The following CTNNBIP1 variants were observed in gnomAD, a reference collection of about 807,000 sequenced individuals.
CTNNBIP1 encodes the protein catenin beta interacting protein 1.
A neutral mutation model predicts 11.8 loss-of-function variants in CTNNBIP1; 7 were observed. The observed-to-expected ratio is 0.60, with a 90% CI of 0.34 to 1.12. CTNNBIP1 has a LOEUF of 1.12. CTNNBIP1 is among the 50% of genes most tolerant of loss of function. The pLI, the probability that CTNNBIP1 is intolerant of heterozygous loss-of-function variation, is 0.03. For missense variants in CTNNBIP1, 101 were observed against 113.4 expected, an observed-to-expected ratio of 0.89 and a Z score of 0.50; for synonymous variants, 58 against 43.9, an observed-to-expected ratio of 1.32 and a Z score of -1.26.
intron 1 of CTNNBIP1, among the ~76,000 whole-genome samples, chr1:9,886,202 G>T (rs1639185288): frequency 6.6e-6 from 1 of 152,156 alleles, no homozygotes; most frequent in South Asian, 2.1e-4. Flanking sequence ...AGAGGCGGGA[G>T]GGGACCTTGC....
intron 5 of CTNNBIP1, among the ~76,000 whole-genome samples, chr1:9,856,353 G>GA (rs554465404): frequency 1.8e-4 from 27 of 151,238 alleles, no homozygotes; most frequent in Non-Finnish European, 2.8e-4. Context: ...ACAAGCAACA[G>GA]AAAAAAATAA....
At chr1:9,885,138 A>G (rs1189102051) in intron 1 of CTNNBIP1, among the ~76,000 whole-genome samples, 2 of 152,126 alleles carry the variant, frequency 1.3e-5, no homozygotes, top group Non-Finnish European at 2.9e-5. Flanking sequence ...GCAGAGGGTG[A>G]GGGTTCAAGG....
At chr1:9,852,327 C>T (rs1028632146) in intron 5 of CTNNBIP1, among the ~76,000 whole-genome samples, 1 of 152,192 alleles carries the variant, frequency 6.6e-6, no homozygotes, top group Non-Finnish European at 1.5e-5. Context: ...CACTAGAGAA[C>T]CAAGGTGCTG....
intron 5 of CTNNBIP1, among the ~76,000 whole-genome samples, chr1:9,861,352 A>G (rs571678142): frequency 1.9e-4 from 29 of 152,308 alleles, no homozygotes; most frequent in African/African-American, 6.7e-4. Flanking sequence ...CTCCTCCCAC[A>G]CAAACCAAGA....
chr1:9,876,841 TACATACAC>T (rs1314554239), intron 3 of CTNNBIP1, among the ~76,000 whole-genome samples: 3 of 97,312 alleles, frequency 3.1e-5, no homozygotes, highest in Non-Finnish European at 5.8e-5. Context: ...ACTCCTGCTA[TACATACAC>T]ACACACACAC....
At chr1:9,862,779 G>A (rs1570564985) in intron 5 of CTNNBIP1, among the ~76,000 whole-genome samples, 1 of 152,154 alleles carries the variant, frequency 6.6e-6, no homozygotes, top group Admixed American at 6.5e-5. Context: ...AGCTCTTTAC[G>A]CATTAGTTCA....
intron 1 of CTNNBIP1, among the ~76,000 whole-genome samples, chr1:9,888,562 A>G (rs941398358): frequency 2.6e-5 from 4 of 152,094 alleles, no homozygotes; most frequent in African/African-American, 9.7e-5. Flanking sequence ...AAAAAAAAAA[A>G]ATTAAGAAAT....
chr1:9,869,939 G>A (rs752692647), intron 5 of CTNNBIP1, among the ~76,000 whole-genome samples: 8 of 152,228 alleles, frequency 5.3e-5, no homozygotes, highest in East Asian at 3.9e-4. Context: ...ACAGGCTGCC[G>A]CATGATCCAG....
intron 1 of CTNNBIP1, among the ~76,000 whole-genome samples, chr1:9,907,125 T>G (rs949733957): frequency 6.6e-6 from 1 of 152,140 alleles, no homozygotes; most frequent in Admixed American, 6.6e-5. Flanking sequence ...ACAGCACAGA[T>G]TTGGAGCAGC....
At chr1:9,887,313 T>C (rs1385839822) in intron 1 of CTNNBIP1, among the ~76,000 whole-genome samples, 1 of 152,206 alleles carries the variant, frequency 6.6e-6, no homozygotes, top group Non-Finnish European at 1.5e-5. Flanking sequence ...CCTGAGGCCA[T>C]GGAGTAATAA....
intron 3 of CTNNBIP1, among the ~76,000 whole-genome samples, chr1:9,874,192 G>A (rs2101486781): frequency 6.6e-6 from 1 of 152,276 alleles, no homozygotes; most frequent in Admixed American, 6.5e-5. Context: ...CCCTCTGGCA[G>A]CCTTTGTACT....
Position 9,849,506 on chromosome 1 carries a change from G to C in CTNNBIP1, c.*1212C>G, listed in dbSNP as rs1029933958. On this transcript the variant is annotated 3_prime_UTR_variant, in exon 6 of 6. Coordinates refer to ENST00000377263, the MANE Select transcript of CTNNBIP1 (RefSeq NM_020248.3). The stretch of plus-strand genomic sequence containing the variant: ...GCCTGGCTGGGGTAGGTCAGGGGTT[G>C]GTGTTTAGCTGGAGGTCTCCTGGGC... 2 of 152,262 alleles carry C rather than the reference G, an allele frequency of 1.3e-5. No homozygotes were observed. Among genetic ancestry groups the C allele is most frequent in the Non-Finnish European group, 2.9e-5 (2 of 68,094 alleles). 9.4% of individuals were successfully genotyped at this position (152,262 alleles called of 1,614,324 possible).
intron 5 of CTNNBIP1, among the ~76,000 whole-genome samples, chr1:9,856,327 T>C (rs542310485): frequency 2.0e-5 from 3 of 152,058 alleles, no homozygotes; most frequent in African/African-American, 4.8e-5. Flanking sequence ...GGTTTCTTAG[T>C]TATGATATCT....
intron 1 of CTNNBIP1, among the ~76,000 whole-genome samples, chr1:9,900,055 C>T (rs1255636517): frequency 4.1e-5 from 6 of 145,108 alleles, no homozygotes; most frequent in Non-Finnish European, 9.0e-5. Flanking sequence ...GCCTGGACGA[C>T]AAGACTCCGT....
rs903224897 is a variant in CTNNBIP1, at chr1:9,871,840, C to T, written c.96+129G>A. On this transcript the variant is annotated intron_variant, in intron 4 of 5. Coordinates refer to ENST00000377263, the MANE Select transcript of CTNNBIP1 (RefSeq NM_020248.3). The surrounding 1 kb of genome is among the most constrained non-coding windows in gnomAD (Gnocchi z 5.2). ...CCCTAGAGCCAAGCCACAGGCCCAG[C>T]GGCCCCTCCTCAGCCCGTGGCTCCG... 1.2e-5 allele frequency: 9 copies of T among 733,946 alleles called. No individual in the cohort carries two copies. Among genetic ancestry groups the T allele is most frequent in the African/African-American group, 8.7e-5 (5 of 57,738 alleles). 45.5% of individuals were successfully genotyped at this position (733,946 alleles called of 1,614,324 possible).
intron 5 of CTNNBIP1, among the ~76,000 whole-genome samples, chr1:9,857,178 C>A (rs114710398): frequency 1.3e-5 from 2 of 150,812 alleles, no homozygotes; most frequent in African/African-American, 4.9e-5. Context: ...GTGGAGAAAA[C>A]CCCAATTTAA....
chr1:9,869,539 G>C (rs901952820), intron 5 of CTNNBIP1, among the ~76,000 whole-genome samples: 1 of 152,092 alleles, frequency 6.6e-6, no homozygotes, highest in Non-Finnish European at 1.5e-5. Context: ...TGGTCAGGCT[G>C]GTCTAGAACT....
In CTNNBIP1 at chr1:9,903,880, T is replaced by C. The variant is rs143906521; in HGVS notation, c.-144+6215A>G. On this transcript the variant is annotated intron_variant, in intron 1 of 5. Transcript: ENST00000377263. The stretch of plus-strand genomic sequence containing the variant: ...TTCTGCTGAGAATCAGTATATGACA[T>C]GGTGCTCAGAGCTCTGCCTGGGAGT... Among the ~76,000 whole-genome samples the C allele has an allele frequency of 6.2e-3, 943 of 152,322 alleles. 11 individuals carry two copies. The highest frequency in any genetic ancestry group is 0.011 in the Non-Finnish European group (723 of 68,034).
chr1:9,895,489 T>C (rs111663487), intron 1 of CTNNBIP1, among the ~76,000 whole-genome samples: 20,000 of 141,500 alleles, frequency 0.14, 4,208 homozygotes, highest in African/African-American at 0.46. Flanking sequence ...TGAGCCACCA[T>C]GCCTAGCCTA....
Sources: allele counts gnomAD v4.1 joint callset (sites outside exome capture counted in the v4.1 genomes callset), GRCh38; gene constraint gnomAD v4.1.1; non-coding constraint Gnocchi (gnomAD v3.1); transcripts MANE v1.5; gene names NCBI Gene and HGNC (gene_info 2026-07-23, HGNC 2026-07-21).